Variants in FRMD4B observed in about 807,000 individuals in gnomAD.
The protein encoded by FRMD4B is FERM domain containing 4B.
Under a neutral mutation model 141.5 loss-of-function variants are expected in FRMD4B, and 74 were observed. The ratio of observed to expected loss-of-function variants is 0.52; its 90% CI spans 0.43 to 0.63. FRMD4B has a LOEUF of 0.63. Among genes scored for constraint, FRMD4B ranks in the 30% least tolerant of loss-of-function variants. The probability of loss-of-function intolerance (pLI) is 0.00; values close to 1 mark genes in which losing one functional copy is unlikely to be tolerated. For synonymous variants in FRMD4B, 506 were observed against 467.9 expected, an observed-to-expected ratio of 1.08 and a Z score of -1.05; for missense variants, 1,366 against 1,253.4, an observed-to-expected ratio of 1.09 and a Z score of -1.36.
intron 1 of FRMD4B, among the ~76,000 whole-genome samples, chr3:69,540,660 T>TATATATATATATACACACACACAC (rs1241897477): frequency 1.1e-4 from 6 of 56,866 alleles, no homozygotes; most frequent in African/African-American, 6.2e-4. Context: ...TATATATATA[T>TATATATATATATACACACACACAC]ACACACACAC....
At chr3:69,539,976 T>C (rs981760764) in intron 1 of FRMD4B, among the ~76,000 whole-genome samples, 3 of 151,130 alleles carry the variant, frequency 2.0e-5, no homozygotes, top group African/African-American at 7.3e-5. Flanking sequence ...GTGGATGGTT[T>C]GAAGTCAGGA....
intron 2 of FRMD4B, among the ~76,000 whole-genome samples, chr3:69,404,905 A>C (rs1704624448): frequency 6.6e-6 from 1 of 152,216 alleles, no homozygotes; most frequent in Non-Finnish European, 1.5e-5. Flanking sequence ...CTGTGTCCTC[A>C]GGGCTTATCA....
chr3:69,337,784 A>G (rs755663562), intron 1 of FRMD4B, among the ~76,000 whole-genome samples: 22 of 152,282 alleles, frequency 1.4e-4, no homozygotes, highest in South Asian at 1.0e-3. Context: ...TTAAAATGGC[A>G]ATCATTAAAA....
chr3:69,428,383 C>A (rs1473882734), intron 2 of FRMD4B, among the ~76,000 whole-genome samples: 2 of 149,004 alleles, frequency 1.3e-5, no homozygotes, highest in Admixed American at 1.3e-4. Context: ...CCTAAAACAA[C>A]AAGTGTTAAC....
intron 1 of FRMD4B, among the ~76,000 whole-genome samples, chr3:69,537,719 T>C (rs185326356): frequency 4.6e-5 from 7 of 152,242 alleles, no homozygotes; most frequent in Non-Finnish European, 1.0e-4. Flanking sequence ...GTTTTCCTTA[T>C]ACACATGAAA....
chr3:69,417,396 G>A (rs574135345), intron 2 of FRMD4B, among the ~76,000 whole-genome samples: 1 of 152,100 alleles, frequency 6.6e-6, no homozygotes. Flanking sequence ...TTTTTGATGG[G>A]GTTGTTTTTA....
intron 1 of FRMD4B, among the ~76,000 whole-genome samples, chr3:69,541,793 C>CCCCT (rs1553652267): frequency 6.6e-6 from 1 of 151,274 alleles, no homozygotes; most frequent in Admixed American, 6.6e-5. Context: ...GGGATTTCCC[C>CCCCT]CCCCTCTTTT....
At chr3:69,385,289 CA>C (rs1264237922) in intron 1 of FRMD4B, among the ~76,000 whole-genome samples, 4 of 152,110 alleles carry the variant, frequency 2.6e-5, no homozygotes, top group African/African-American at 9.7e-5. Context: ...AAAGTGTTCA[CA>C]ATTTGCTGTC....
intron 1 of FRMD4B, among the ~76,000 whole-genome samples, chr3:69,324,638 G>C (rs1279049276): frequency 6.6e-6 from 1 of 152,200 alleles, no homozygotes; most frequent in Non-Finnish European, 1.5e-5. Flanking sequence ...GAGAACAACT[G>C]CTTTAGAGGT....
chr3:69,291,227 C>T (rs1666685628), intron 4 of FRMD4B, among the ~76,000 whole-genome samples: 2 of 152,258 alleles, frequency 1.3e-5, no homozygotes, highest in South Asian at 4.2e-4. Flanking sequence ...CTTGAAATTT[C>T]TAAGATTATT....
intron 1 of FRMD4B, among the ~76,000 whole-genome samples, chr3:69,376,005 T>G (rs1397803278): frequency 6.6e-6 from 1 of 152,080 alleles, no homozygotes; most frequent in South Asian, 2.1e-4. Flanking sequence ...GGATTGAAAA[T>G]GAATTTAGAG....
chr3:69,419,064 T>C lies in FRMD4B; in HGVS notation c.-1+13570A>G, dbSNP rs73835832. On this transcript the variant is annotated intron_variant, in intron 2 of 5. Coordinates refer to the FRMD4B transcript ENST00000459638. ...AGCAAAGTGCACTGGGAAGAAAATG[T>C]AGGTTGCATATGTGAAATGGTTGAC... Among the ~76,000 whole-genome samples the C allele has an allele frequency of 8.9e-3, 1,357 of 152,230 alleles. 23 individuals are homozygous for C. Among genetic ancestry groups the C allele is most frequent in the African/African-American group, 0.031 (1,277 of 41,522 alleles).
At chr3:69,420,008 C>T (rs148097362) in intron 2 of FRMD4B, among the ~76,000 whole-genome samples, 1 of 152,190 alleles carries the variant, frequency 6.6e-6, no homozygotes, top group Non-Finnish European at 1.5e-5. Flanking sequence ...AGGCACCCAC[C>T]ACCACGCCCA....
At chr3:69,303,055 C>T (rs773908406) in intron 3 of FRMD4B, among the ~76,000 whole-genome samples, 1 of 150,112 alleles carries the variant, frequency 6.7e-6, no homozygotes. Context: ...GCCTGGGCAA[C>T]ATCCCCTGTT....
chr3:69,189,815 G>C, intron 18 of FRMD4B, 81 bp downstream of exon 18: 1 of 814,740 alleles, frequency 1.2e-6, no homozygotes, highest in East Asian at 2.6e-5. Context: ...AAAACAAATA[G>C]GCCTTACTTA....
rs147395159 is a variant in FRMD4B at position 69,182,212 on chromosome 3, G to C, written c.2039+386C>G. ...CTTGCTTCCTCCTTTGTAAGATGAG[G>C]ATGAAAACAATATATAATATCTACC... On this transcript the variant is annotated intron_variant, in intron 20 of 22. Transcript: ENST00000398540. 1.8e-3 allele frequency among the ~76,000 whole-genome samples: 277 copies of C among 152,234 alleles called. 1 individual carries two copies. Among genetic ancestry groups the C allele is most frequent in the Non-Finnish European group, 3.1e-3 (213 of 68,026 alleles).
chr3:69,222,129 T>A (rs1178317601), intron 8 of FRMD4B, among the ~76,000 whole-genome samples: 1 of 152,080 alleles, frequency 6.6e-6, no homozygotes, highest in African/African-American at 2.4e-5. Context: ...ATCTTTAACT[T>A]ATGTTTTATG....
chr3:69,345,365 C>A (rs1214089282), intron 1 of FRMD4B, among the ~76,000 whole-genome samples: 1 of 152,212 alleles, frequency 6.6e-6, no homozygotes, highest in African/African-American at 2.4e-5. Context: ...GAGCCCACTG[C>A]AGCTCAAGGA....
chr3:69,307,172 C>T (rs1345030853), intron 3 of FRMD4B, among the ~76,000 whole-genome samples: 6 of 151,898 alleles, frequency 4.0e-5, no homozygotes, highest in African/African-American at 1.2e-4. Context: ...ATTGTGGAGC[C>T]GGGGTTCTTG....
Sources: gnomAD v4.1 joint callset for allele counts (sites outside exome capture counted in the v4.1 genomes callset) on GRCh38, gnomAD v4.1.1 for gene constraint, MANE v1.5 for transcripts, NCBI Gene and HGNC (gene_info 2026-07-23, HGNC 2026-07-21) for gene names.